Variants in DENND6A observed in about 807,000 individuals in gnomAD.
DENND6A encodes the protein DENN domain containing 6A.
In DENND6A, 43 loss-of-function variants were observed where a neutral mutation model predicts 95.5. The observed-to-expected ratio is 0.45, with a 90% CI of 0.35 to 0.58. The LOEUF is 0.58. Among genes scored for constraint, DENND6A ranks in the 20% least tolerant of loss-of-function variants. The probability of loss-of-function intolerance (pLI) is 0.00; values close to 1 mark genes in which losing one functional copy is unlikely to be tolerated. For missense variants in DENND6A, 574 were observed against 736.0 expected, an observed-to-expected ratio of 0.78 and a Z score of 2.55; for synonymous variants, 257 against 260.4, an observed-to-expected ratio of 0.99 and a Z score of 0.13.
chr3:57,674,422 G>GGA (rs1338895577), intron 1 of DENND6A, among the ~76,000 whole-genome samples: 4 of 149,344 alleles, frequency 2.7e-5, no homozygotes, highest in African/African-American at 9.9e-5. Context: ...CACAAGGTCA[G>GGA]GAGTTCAAGA....
chr3:57,661,373 T>C, intron 6 of DENND6A, 73 bp downstream of exon 6: 2 of 1,137,426 alleles, frequency 1.8e-6, no homozygotes, highest in Non-Finnish European at 2.4e-6. Flanking sequence ...TTGTTATAAA[T>C]CAACTTCATT....
At chr3:57,639,282 T>A (rs1037002187) in intron 12 of DENND6A, among the ~76,000 whole-genome samples, 5 of 152,218 alleles carry the variant, frequency 3.3e-5, no homozygotes, top group Non-Finnish European at 7.3e-5. Flanking sequence ...GCAGAGATGT[T>A]AAGAAATAGG....
At position 57,692,994 on chromosome 3, in the gene DENND6A, A is replaced by C; in HGVS notation, c.25T>G (p.Leu9Val). 3 of 1,512,104 alleles carry C rather than the reference A, an allele frequency of 2.0e-6. No individual in the cohort carries two copies. The highest frequency in any genetic ancestry group is 2.1e-4 in the Middle Eastern group (1 of 4,656). 93.7% of individuals were successfully genotyped at this position (1,512,104 alleles called of 1,614,324 possible). MALRGPAG[L>V]GPGSRRPLDE... The stretch of plus-strand genomic sequence containing the variant: ...AACGGCCTTCGAGAGCCGGGCCCCA[A>C]GCCCGCAGGGCCCCTCAAAGCCATC... Residue 9 changes from leucine (L) to valine (V), a missense_variant, in exon 1 of 20, where the codon TTG (leucine) becomes GTG (valine). Transcript: ENST00000311128.
intron 4 of DENND6A, among the ~76,000 whole-genome samples, chr3:57,664,704 G>A (rs758184289): frequency 2.0e-5 from 3 of 152,064 alleles, no homozygotes; most frequent in East Asian, 3.9e-4. Context: ...GTGGTGGCAC[G>A]TGCCTGTAAT....
chr3:57,670,032 A>AG (rs2071590616), intron 3 of DENND6A, among the ~76,000 whole-genome samples: 1 of 149,354 alleles, frequency 6.7e-6, no homozygotes, highest in African/African-American at 2.5e-5. Context: ...AAAAAAAAAA[A>AG]AAAAAGAAAA....
chr3:57,663,709 G>A lies in DENND6A; in HGVS notation c.440C>T (p.Pro147Leu). ...KDLPVYLKKD[P>L]AYFYGYVYFR... The stretch of plus-strand genomic sequence containing the variant: ...ATACACATATCCATAAAAATAAGCA[G>A]GATCCTTCTAAGAAGAAAGTGACAA... Residue 147 changes from proline (P) to leucine (L), a missense_variant, in exon 5 of 20, where the codon CCT becomes CTT. Pro to Leu is a moderately conservative substitution (Grantham distance 98). This residue lies in a region of DENND6A where 452 missense variants were observed against 630.9 expected (regional missense o/e 0.72). Transcript: ENST00000311128. 2 of 1,570,956 alleles carry A rather than the reference G, an allele frequency of 1.3e-6. No individual in the cohort carries two copies. The highest frequency in any genetic ancestry group is 1.7e-6 in the Non-Finnish European group (2 of 1,156,322).
chr3:57,642,745 C>T (rs925130594), intron 11 of DENND6A, among the ~76,000 whole-genome samples: 1 of 152,126 alleles, frequency 6.6e-6, no homozygotes, highest in Non-Finnish European at 1.5e-5. Flanking sequence ...TGGCTCACGC[C>T]TGTAATCCCA....
At chr3:57,651,255 A>C (rs989181069) in intron 9 of DENND6A, among the ~76,000 whole-genome samples, 1 of 152,226 alleles carries the variant, frequency 6.6e-6, no homozygotes, top group African/African-American at 2.4e-5. Context: ...TTGTAAACTG[A>C]AAATATCAAA....
chr3:57,634,358 G>A (rs867632689), intron 14 of DENND6A, among the ~76,000 whole-genome samples, 200 bp downstream of exon 14: 3 of 151,214 alleles, frequency 2.0e-5, no homozygotes, highest in African/African-American at 2.4e-5. Context: ...ACTTGAACCC[G>A]GGAGGTGGAG....
At chr3:57,657,426 T>C (rs944188468) in intron 9 of DENND6A, among the ~76,000 whole-genome samples, 3 of 152,188 alleles carry the variant, frequency 2.0e-5, no homozygotes, top group African/African-American at 7.2e-5. Flanking sequence ...TTTCTAACAT[T>C]ATTACAATAT....
At chr3:57,653,096 C>T (rs189979954) in intron 9 of DENND6A, among the ~76,000 whole-genome samples, 33 of 152,134 alleles carry the variant, frequency 2.2e-4, no homozygotes, top group Non-Finnish European at 3.8e-4. Flanking sequence ...GGCACCAAGT[C>T]GCCAGCTTAC....
chr3:57,651,666 T>C (rs927712079), intron 9 of DENND6A, among the ~76,000 whole-genome samples: 1 of 151,394 alleles, frequency 6.6e-6, no homozygotes, highest in Non-Finnish European at 1.5e-5. Context: ...ATATGATAAT[T>C]ACAAACCAGT....
chr3:57,650,224 C>G (rs567981577), intron 9 of DENND6A, among the ~76,000 whole-genome samples: 1 of 151,710 alleles, frequency 6.6e-6, no homozygotes, highest in East Asian at 1.9e-4. Flanking sequence ...ATCAAAATCT[C>G]AGAAATCATC....
intron 9 of DENND6A, chr3:57,654,825 G>A (rs2071292152): frequency 1.0e-6 from 1 of 957,286 alleles, no homozygotes; most frequent in South Asian, 4.8e-5. Flanking sequence ...GCTCAGTCTT[G>A]GTGTAAATCT....
chr3:57,652,190 A>C (rs1559815659), intron 9 of DENND6A, among the ~76,000 whole-genome samples: 1 of 152,250 alleles, frequency 6.6e-6, no homozygotes, highest in Non-Finnish European at 1.5e-5. Flanking sequence ...GGTAGAAATG[A>C]CAATGTACAA....
chr3:57,628,802 G>C lies in DENND6A; in HGVS notation c.1695+9C>G. On this transcript the variant is annotated intron_variant, in intron 19 of 19. Coordinates refer to ENST00000311128, the MANE Select transcript of DENND6A (RefSeq NM_152678.3). ...GTCAATTTAATCTTTGGCTGTTTTG[G>C]CTACATACCAGCTTATTTTTCAGCT... The C allele has an allele frequency of 6.2e-7, 1 of 1,608,472 alleles. No homozygotes were observed. Among genetic ancestry groups the C allele is most frequent in the East Asian group, 2.2e-5 (1 of 44,700 alleles).
chr3:57,643,023 G>A lies in DENND6A; in HGVS notation c.1038-1276C>T, dbSNP rs868308655. On this transcript the variant is annotated intron_variant, in intron 11 of 19. Coordinates refer to ENST00000311128, the MANE Select transcript of DENND6A (RefSeq NM_152678.3). ...CTTCATCTCAAAAAAAAAAAAAAAA[G>A]AAAGATCACTCTGGAAGAAATTTGG... 3.1e-3 allele frequency among the ~76,000 whole-genome samples: 277 copies of A among 88,370 alleles called. 2 individuals are homozygous for A. The highest frequency in any genetic ancestry group is 5.2e-3 in the Middle Eastern group (1 of 194). 58.0% of individuals were successfully genotyped at this position (88,370 alleles called of 152,430 possible).
At chr3:57,641,769 A>G (rs1679947178) in intron 11 of DENND6A, 22 bp from the exon 12 acceptor site, 7 of 1,580,796 alleles carry the variant, frequency 4.4e-6, no homozygotes, top group Non-Finnish European at 6.0e-6. Flanking sequence ...AAAACAAAAC[A>G]AAATAAAAAA....
chr3:57,629,478 A>G (rs1559801414), intron 18 of DENND6A, among the ~76,000 whole-genome samples: 1 of 151,288 alleles, frequency 6.6e-6, no homozygotes. Flanking sequence ...TAGGCTGGTA[A>G]TACAGAACAT....
Sources: gnomAD v4.1 joint callset for allele counts (sites outside exome capture counted in the v4.1 genomes callset) on GRCh38, gnomAD v4.1.1 for gene constraint, gnomAD v4.1.1 regional missense constraint, MANE v1.5 for transcripts, NCBI Gene and HGNC (gene_info 2026-07-23, HGNC 2026-07-21) for gene names.